LRP6: variants seen among roughly 807,000 people sequenced by gnomAD.
LRP6 encodes the protein LDL receptor related protein 6.
In LRP6, 43 loss-of-function variants were observed where a neutral mutation model predicts 184.1. The observed-to-expected ratio is 0.23, with a 90% CI of 0.18 to 0.30. The LOEUF (loss-of-function observed/expected upper bound fraction) is 0.30, where lower values mean the gene tolerates loss of function less well. Among genes scored for constraint, LRP6 ranks in the 10% least tolerant of loss-of-function variants. The pLI, the probability that LRP6 is intolerant of heterozygous loss-of-function variation, is 1.00. For missense variants in LRP6, 1,571 were observed against 2,005.3 expected, an observed-to-expected ratio of 0.78 and a Z score of 4.14; for synonymous variants, 719 against 684.9, an observed-to-expected ratio of 1.05 and a Z score of -0.78.
At chr12:12,155,320 G>A (rs1300101914) in intron 12 of LRP6, 1 of 757,448 alleles carries the variant, frequency 1.3e-6, no homozygotes, top group Non-Finnish European at 2.4e-6. Flanking sequence ...AGGCCTTTTA[G>A]AAAGCATGGA....
At position 12,116,460 on chromosome 12, in the gene LRP6, T is replaced by C. The variant is rs544160549; in HGVS notation, c.*4666A>G. On this transcript the variant is annotated 3_prime_UTR_variant, in exon 23 of 23. Transcript: ENST00000261349. ...TAATTTCATGTCATATTGGATTTAA[T>C]CAGACTTTAAAAATTTTCCCTTTAA... 2.0e-5 allele frequency: 3 copies of C among 152,184 alleles called. No individual in the cohort carries two copies. In the East Asian group the frequency reaches 5.8e-4, roughly 29 times the overall value. 9.4% of individuals were successfully genotyped at this position (152,184 alleles called of 1,614,324 possible). A position where few individuals can be genotyped will look rare whatever the true frequency, so the allele number is the denominator to read the frequency against.
At chr12:12,244,132 AAAG>A in intron 2 of LRP6, 127 bp downstream of exon 2, 1 of 897,560 alleles carries the variant, frequency 1.1e-6, no homozygotes, top group Non-Finnish European at 1.8e-6. Context: ...TCTACTCAAC[AAAG>A]AAGCCCAAAG....
intron 3 of LRP6, among the ~76,000 whole-genome samples, chr12:12,200,706 T>C (rs1231548827): frequency 6.6e-6 from 1 of 152,166 alleles, no homozygotes; most frequent in East Asian, 1.9e-4. Flanking sequence ...CACTGTAATA[T>C]ATAAAGTATT....
intron 2 of LRP6, among the ~76,000 whole-genome samples, 154 bp from the exon 3 acceptor site, chr12:12,203,554 C>T (rs755574590): frequency 2.0e-5 from 3 of 152,170 alleles, no homozygotes; most frequent in Non-Finnish European, 2.9e-5. Flanking sequence ...ATGACGAAGT[C>T]AAGAGATCGA....
chr12:12,266,906 CCT>C lies in LRP6; in HGVS notation c.-173_-172del. The C allele has an allele frequency of 1.5e-6, 1 of 662,710 alleles. No homozygotes were observed. Among genetic ancestry groups the C allele is most frequent in the Non-Finnish European group, 2.7e-6 (1 of 370,852 alleles). 41.1% of individuals were successfully genotyped at this position (662,710 alleles called of 1,614,324 possible). On this transcript the variant is annotated 5_prime_UTR_variant, in exon 1 of 23. It removes the in-frame stop codon of an upstream open reading frame in the 5' UTR. Transcript: ENST00000261349. Reference sequence around the variant, plus strand: ...AAGGTTCCGCGCGCGCCGCCGCCGCCCTCTCTACCGCGCCGCTCGGCCCCGGG... The same window carrying C: ...AAGGTTCCGCGCGCGCCGCCGCCGCCCTCTACCGCGCCGCTCGGCCCCGGG...
chr12:12,232,788 T>C (rs1677512318), intron 2 of LRP6, among the ~76,000 whole-genome samples: 1 of 152,004 alleles, frequency 6.6e-6, no homozygotes, highest in African/African-American at 2.4e-5. Context: ...AAATAATCAA[T>C]AGATGAGTGG....
At chr12:12,232,979 A>C (rs963203036) in intron 2 of LRP6, among the ~76,000 whole-genome samples, 1 of 152,206 alleles carries the variant, frequency 6.6e-6, no homozygotes, top group African/African-American at 2.4e-5. Context: ...AAATCTGACC[A>C]TCTGAACCTA....
chr12:12,128,977 G>A (rs183275536), intron 19 of LRP6, among the ~76,000 whole-genome samples: 76 of 152,040 alleles, frequency 5.0e-4, no homozygotes, highest in Admixed American at 2.4e-3. Flanking sequence ...AACTCTAATC[G>A]CTTCCTTTTT....
chr12:12,231,215 CAT>C lies in LRP6; in HGVS notation c.449+13045_449+13046del, dbSNP rs903050725. ...AAAAAAAAAAAAAAAAAAAGCAGTA[CAT>C]GTTTGACCTGATGCTATGACGACCC... On this transcript the variant is annotated intron_variant, in intron 2 of 22. Transcript: ENST00000261349. Among the ~76,000 whole-genome samples, 5 of 115,274 alleles carry C rather than the reference CAT, an allele frequency of 4.3e-5. 1 individual carries two copies. Among genetic ancestry groups the C allele is most frequent in the Non-Finnish European group, 3.5e-5 (2 of 57,610 alleles). The allele number at this position is 115,274 out of a possible 152,430, so 75.6% of individuals were successfully genotyped here.
At chr12:12,231,046 T>C (rs1864770139) in intron 2 of LRP6, among the ~76,000 whole-genome samples, 1 of 151,780 alleles carries the variant, frequency 6.6e-6, no homozygotes, top group South Asian at 2.1e-4. Context: ...CCGGGTGTGA[T>C]GGCAGGCGCC....
At chr12:12,192,026 A>G (rs776507475) in intron 3 of LRP6, among the ~76,000 whole-genome samples, 8 of 152,126 alleles carry the variant, frequency 5.3e-5, no homozygotes, top group Non-Finnish European at 8.8e-5. Flanking sequence ...AAAAGACTCT[A>G]TAAATAATGT....
intron 7 of LRP6, among the ~76,000 whole-genome samples, chr12:12,176,160 G>A (rs909113457): frequency 2.0e-5 from 3 of 152,042 alleles, no homozygotes; most frequent in Admixed American, 1.3e-4. Flanking sequence ...TAATGCTTTA[G>A]TACTTATTAT....
chr12:12,148,004 A>G (rs1366781288), intron 14 of LRP6, among the ~76,000 whole-genome samples: 2 of 142,048 alleles, frequency 1.4e-5, no homozygotes, highest in Non-Finnish European at 3.0e-5. Context: ...CCTCTTTTAT[A>G]TAAATATATA....
chr12:12,157,016 G>A (rs1308320871), intron 12 of LRP6, among the ~76,000 whole-genome samples: 11 of 152,212 alleles, frequency 7.2e-5, no homozygotes, highest in Non-Finnish European at 1.3e-4. Flanking sequence ...CACTGCCATG[G>A]CGAGAGCTGG....
chr12:12,231,914 C>T (rs1254271350), intron 2 of LRP6, among the ~76,000 whole-genome samples: 1 of 151,136 alleles, frequency 6.6e-6, no homozygotes. Context: ...ACTTAGGAGG[C>T]TAAGATGGGA....
rs1949535500 is a variant in LRP6, at chr12:12,117,591, C to T, written c.*3535G>A. 6.6e-6 allele frequency: 1 copy of T among 152,230 alleles called. No homozygotes were observed. Among genetic ancestry groups the T allele is most frequent in the Non-Finnish European group, 1.5e-5 (1 of 68,036 alleles). The allele number at this position is 152,230 out of a possible 1,614,324, so 9.4% of individuals were successfully genotyped here. A position where few individuals can be genotyped will look rare whatever the true frequency, so the allele number is the denominator to read the frequency against. On this transcript the variant is annotated 3_prime_UTR_variant, in exon 23 of 23. Transcript: ENST00000261349. ...AAGAATCTAATCTAGGCAGCTGCAG[C>T]CTGTTTACTGCATAGAAGTAGGCGT...
At chr12:12,187,173 C>T in intron 3 of LRP6, 54 bp from the exon 4 acceptor site, 1 of 1,427,448 alleles carries the variant, frequency 7.0e-7, no homozygotes, top group Non-Finnish European at 9.7e-7. Flanking sequence ...CTTCTTCTAT[C>T]ATAACGTCAC....
intron 7 of LRP6, among the ~76,000 whole-genome samples, chr12:12,176,838 C>A (rs973874700): frequency 3.8e-5 from 5 of 130,786 alleles, no homozygotes; most frequent in African/African-American, 1.4e-4. Flanking sequence ...CAGTGTGAGC[C>A]CAAACTTTTT....
intron 16 of LRP6, 106 bp downstream of exon 16, chr12:12,138,219 T>G (rs775331772): frequency 9.8e-5 from 107 of 1,088,660 alleles, no homozygotes; most frequent in Non-Finnish European, 1.4e-4. Flanking sequence ...AAACTAAAAG[T>G]GCATGAAAGT....
Sources: allele counts gnomAD v4.1 joint callset (sites outside exome capture counted in the v4.1 genomes callset), GRCh38; gene constraint gnomAD v4.1.1; transcripts MANE v1.5; gene names NCBI Gene and HGNC (gene_info 2026-07-23, HGNC 2026-07-21).